The following FBXW10B variants were observed in gnomAD, a reference collection of about 807,000 sequenced individuals.
FBXW10B encodes F-box and WD repeat domain containing protein 10B.
chr17:15,612,647 G>A, the FBXW10B span: 55 of 1,612,022 alleles, frequency 3.4e-5, no homozygotes, highest in East Asian at 1.8e-4. Flanking sequence ...GCCTTCAATG[G>A]CAATTAGAAT....
At chr17:15,586,035 C>A in the FBXW10B span, among the ~76,000 whole-genome samples, 1 of 150,398 alleles carries the variant, frequency 6.6e-6, no homozygotes, top group African/African-American at 2.5e-5. Flanking sequence ...TGCAGCCAAT[C>A]TGAGTACAAT....
At chr17:15,617,714 G>A in the FBXW10B span, among the ~76,000 whole-genome samples, 6 of 152,142 alleles carry the variant, frequency 3.9e-5, no homozygotes, top group Non-Finnish European at 7.3e-5. Flanking sequence ...CTCACGATAC[G>A]TTGATTTCCC....
At chr17:15,582,130 A>G in the FBXW10B span, among the ~76,000 whole-genome samples, 1 of 150,032 alleles carries the variant, frequency 6.7e-6, no homozygotes, top group African/African-American at 2.5e-5. Flanking sequence ...TGCTTTCAAA[A>G]ATCCATCTAG....
chr17:15,594,667 T>G, the FBXW10B span: 1 of 1,438,650 alleles, frequency 7.0e-7, no homozygotes, highest in South Asian at 1.2e-5. Context: ...GAGCAGAAGG[T>G]CTGCCAATGA....
the FBXW10B span, chr17:15,612,648 C>T: frequency 1.2e-6 from 2 of 1,612,138 alleles, no homozygotes; most frequent in East Asian, 4.5e-5. Flanking sequence ...CCTTCAATGG[C>T]AATTAGAATG....
the FBXW10B span, among the ~76,000 whole-genome samples, chr17:15,616,591 T>C: frequency 2.6e-5 from 4 of 151,732 alleles, no homozygotes; most frequent in East Asian, 2.0e-4. Context: ...GATCACAAGG[T>C]CAGGAGATGG....
the FBXW10B span, chr17:15,596,647 G>A: frequency 1.2e-6 from 2 of 1,613,544 alleles, no homozygotes; most frequent in Admixed American, 1.7e-5. Context: ...GCACTTCCCT[G>A]TGTCTACATC....
the FBXW10B span, chr17:15,619,248 T>C: frequency 1.2e-6 from 2 of 1,613,904 alleles, no homozygotes; most frequent in African/African-American, 1.3e-5. Context: ...ATCCGGGACC[T>C]GTTATAGATG....
chr17:15,593,102 C>CAA, the FBXW10B span, among the ~76,000 whole-genome samples: 380 of 125,260 alleles, frequency 3.0e-3, 1 homozygote, highest in Middle Eastern at 0.013. Flanking sequence ...AACTATGTCT[C>CAA]AAAAAAAAAA....
chr17:15,571,567 C>T, the FBXW10B span: 1 of 152,138 alleles, frequency 6.6e-6, no homozygotes, highest in Non-Finnish European at 1.5e-5. Context: ...TCGTTTATTG[C>T]TAGTGTGAAT....
At chr17:15,610,267 C>T in the FBXW10B span, among the ~76,000 whole-genome samples, 2 of 152,196 alleles carry the variant, frequency 1.3e-5, no homozygotes, top group South Asian at 4.1e-4. Flanking sequence ...GAATTCTGAC[C>T]GAGTTACATC....
chr17:15,604,830 C>A, the FBXW10B span, among the ~76,000 whole-genome samples: 4 of 152,186 alleles, frequency 2.6e-5, no homozygotes, highest in East Asian at 3.9e-4. Context: ...AGCCACCACG[C>A]CTGGCCACAT....
chr17:15,604,642 C>T, the FBXW10B span, among the ~76,000 whole-genome samples: 2,392 of 152,264 alleles, frequency 0.016, 65 homozygotes, highest in African/African-American at 0.055. Context: ...TCACACCATT[C>T]TCCTGCCTCA....
At chr17:15,575,404 T>C in the FBXW10B span, among the ~76,000 whole-genome samples, 1 of 147,526 alleles carries the variant, frequency 6.8e-6, no homozygotes, top group South Asian at 2.1e-4. Flanking sequence ...TGACAGGTTG[T>C]CCTTCTGTCT....
At chr17:15,569,663 G>A in the FBXW10B span, among the ~76,000 whole-genome samples, 1 of 151,362 alleles carries the variant, frequency 6.6e-6, no homozygotes, top group Admixed American at 6.6e-5. Flanking sequence ...TCGAACTCCT[G>A]GGCTCAAGCG....
chr17:15,589,689 CTAAT>C, the FBXW10B span, among the ~76,000 whole-genome samples: 1 of 151,988 alleles, frequency 6.6e-6, no homozygotes, highest in Non-Finnish European at 1.5e-5. Flanking sequence ...GTTTCACAGT[CTAAT>C]TAGTCAAGTA....
At chr17:15,568,806 T>C in the FBXW10B span, 1 of 1,198,124 alleles carries the variant, frequency 8.3e-7, no homozygotes, top group African/African-American at 1.6e-5. Context: ...TAGGCACTCT[T>C]TTTCTGTTAT....
the FBXW10B span, among the ~76,000 whole-genome samples, chr17:15,604,079 CAA>C: frequency 8.2e-6 from 1 of 121,840 alleles, no homozygotes; most frequent in Admixed American, 8.3e-5. Context: ...GACTCTATCT[CAA>C]AAAAAAAAAA....
At chr17:15,573,290 G>A in the FBXW10B span, 4 of 152,142 alleles carry the variant, frequency 2.6e-5, no homozygotes, top group East Asian at 7.7e-4. Context: ...CCAGGCTGCC[G>A]ATGCTTGTAG....
Sources: allele counts gnomAD v4.1 joint callset (sites outside exome capture counted in the v4.1 genomes callset), GRCh38; gene constraint gnomAD v4.1.1; transcripts MANE v1.5; gene names NCBI Gene and HGNC (gene_info 2026-07-23, HGNC 2026-07-21).